DENND6A: variants seen among roughly 807,000 people sequenced by gnomAD.
The protein encoded by DENND6A is protein DENND6A.
Under a neutral mutation model 95.5 loss-of-function variants are expected in DENND6A, and 43 were observed. The ratio of observed to expected loss-of-function variants is 0.45; its 90% CI spans 0.35 to 0.58. The LOEUF is 0.58. Ranked by LOEUF, DENND6A falls within the 20% of genes least tolerant of loss-of-function variation. The pLI is 0.00. For synonymous variants in DENND6A, 257 were observed against 260.4 expected, an observed-to-expected ratio of 0.99 and a Z score of 0.13; for missense variants, 574 against 736.0, an observed-to-expected ratio of 0.78 and a Z score of 2.55.
intron 9 of DENND6A, among the ~76,000 whole-genome samples, chr3:57,649,630 GAAA>G (rs10576642): frequency 9.8e-4 from 144 of 146,392 alleles, no homozygotes; most frequent in African/African-American, 2.9e-3. Context: ...ATCAATGAGT[GAAA>G]AAAAAAAAAT....
intron 1 of DENND6A, among the ~76,000 whole-genome samples, chr3:57,683,513 C>T (rs1314473166): frequency 6.6e-6 from 1 of 152,180 alleles, no homozygotes; most frequent in African/African-American, 2.4e-5. Context: ...AAGCAAGTAT[C>T]TACTGTGCAT....
chr3:57,687,983 G>GT (rs1229281252), intron 1 of DENND6A, among the ~76,000 whole-genome samples: 3 of 147,036 alleles, frequency 2.0e-5, no homozygotes, highest in East Asian at 2.2e-4. Context: ...TTTATGAAGA[G>GT]TTTTTTGTTT....
At chr3:57,679,618 GA>G in intron 1 of DENND6A, 1 of 948,818 alleles carries the variant, frequency 1.1e-6, no homozygotes, top group South Asian at 4.9e-5. Context: ...GTCCTTGTGG[GA>G]AATCATTAGC....
chr3:57,683,364 A>G (rs2077183227), intron 1 of DENND6A, among the ~76,000 whole-genome samples: 1 of 152,178 alleles, frequency 6.6e-6, no homozygotes, highest in Admixed American at 6.5e-5. Flanking sequence ...TAATCCTCAC[A>G]ATACACTAGA....
At chr3:57,635,166 T>G (rs2070764759) in intron 12 of DENND6A, among the ~76,000 whole-genome samples, 1 of 152,196 alleles carries the variant, frequency 6.6e-6, no homozygotes, top group Non-Finnish European at 1.5e-5. Context: ...AATTCTTAAA[T>G]GACTATGCAG....
chr3:57,645,817 A>C (rs1223975088), intron 10 of DENND6A, 61 bp from the exon 11 acceptor site: 20 of 1,225,274 alleles, frequency 1.6e-5, no homozygotes, highest in Non-Finnish European at 2.4e-5. Context: ...CTAATCTATA[A>C]CTAGAAAACA....
intron 12 of DENND6A, among the ~76,000 whole-genome samples, chr3:57,640,843 T>A (rs1440473992): frequency 6.6e-6 from 1 of 152,150 alleles, no homozygotes; most frequent in African/African-American, 2.4e-5. Context: ...ATGTCCTTAA[T>A]TAATGTACCA....
intron 1 of DENND6A, among the ~76,000 whole-genome samples, chr3:57,672,977 T>TC (rs2153416473): frequency 6.6e-6 from 1 of 151,912 alleles, no homozygotes; most frequent in African/African-American, 2.4e-5. Context: ...ACACCTGTAA[T>TC]CTCAGCACTT....
intron 9 of DENND6A, among the ~76,000 whole-genome samples, chr3:57,649,425 C>T (rs2071147265): frequency 6.6e-6 from 1 of 151,684 alleles, no homozygotes; most frequent in Admixed American, 6.6e-5. Context: ...ACTAGTACAA[C>T]CACTATGGAA....
intron 1 of DENND6A, among the ~76,000 whole-genome samples, chr3:57,673,740 T>G (rs922156324): frequency 2.0e-5 from 3 of 152,144 alleles, no homozygotes; most frequent in Admixed American, 2.0e-4. Context: ...GTTTTTTTTG[T>G]GCTTTTTTTG....
chr3:57,687,115 T>A (rs988165094), intron 1 of DENND6A, among the ~76,000 whole-genome samples: 2 of 152,050 alleles, frequency 1.3e-5, no homozygotes, highest in African/African-American at 4.8e-5. Context: ...TGCCTCAGCC[T>A]CCCAAAGCGC....
Position 57,657,939 on chromosome 3 carries a change from A to G in DENND6A, c.763-204T>C, listed in dbSNP as rs17058422. Reference sequence around the variant, plus strand: ...ATCAAAAATAATGCAGATAACATGGATAAAGAATTAATCCCGGCCAGGCAT... The same window carrying G: ...ATCAAAAATAATGCAGATAACATGGGTAAAGAATTAATCCCGGCCAGGCAT... On this transcript the variant is annotated intron_variant, in intron 8 of 19. Coordinates refer to ENST00000311128, the MANE Select transcript of DENND6A (RefSeq NM_152678.3). Among the ~76,000 whole-genome samples, 1,339 of 152,282 alleles carry G rather than the reference A, an allele frequency of 8.8e-3. 10 individuals carry two copies. The highest frequency in any genetic ancestry group is 0.03 in the African/African-American group (1,264 of 41,548).
chr3:57,670,224 G>T (rs911582906), intron 3 of DENND6A, among the ~76,000 whole-genome samples: 1 of 151,974 alleles, frequency 6.6e-6, no homozygotes, highest in African/African-American at 2.4e-5. Context: ...TCACTAACTG[G>T]GGCCTGTGAA....
At chr3:57,645,572 C>T (rs1277480088) in intron 11 of DENND6A, 89 bp downstream of exon 11, 1 of 890,982 alleles carries the variant, frequency 1.1e-6, no homozygotes, top group African/African-American at 1.7e-5. Flanking sequence ...TAAGATCATT[C>T]TGCCTATAAG....
chr3:57,637,563 A>C (rs2070822650), intron 12 of DENND6A, among the ~76,000 whole-genome samples: 1 of 151,960 alleles, frequency 6.6e-6, no homozygotes, highest in African/African-American at 2.4e-5. Context: ...CTCACAGTCT[A>C]TCTCAGGTTT....
chr3:57,681,758 T>C (rs1315443356), intron 1 of DENND6A, among the ~76,000 whole-genome samples: 2 of 152,090 alleles, frequency 1.3e-5, no homozygotes, highest in South Asian at 2.1e-4. Flanking sequence ...AAAGTACATA[T>C]ACATACTATG....
rs187500774 is a variant in DENND6A at position 57,631,070 on chromosome 3, C to T, written c.1354-92G>A. 77 of 1,156,704 alleles carry T rather than the reference C, an allele frequency of 6.7e-5. No individual in the cohort carries two copies. The African/African-American group carries it at 9.9e-4, about 15-fold the overall frequency. The allele number at this position is 1,156,704 out of a possible 1,614,324, so 71.7% of individuals were successfully genotyped here. ...GGAATGGGTCTTTTAAGTTTTTAAT[C>T]ATATGCCCTTTCAATGGACAGCAAC... On this transcript the variant is annotated intron_variant, in intron 15 of 19. Transcript: ENST00000311128.
At chr3:57,631,747 G>C (rs1474943575) in intron 15 of DENND6A, among the ~76,000 whole-genome samples, 1 of 134,996 alleles carries the variant, frequency 7.4e-6, no homozygotes, top group African/African-American at 2.8e-5. Flanking sequence ...TTTTGAGACG[G>C]AGTCTCACTC....
chr3:57,637,262 T>G (rs2070815591), intron 12 of DENND6A, among the ~76,000 whole-genome samples: 1 of 152,230 alleles, frequency 6.6e-6, no homozygotes, highest in Non-Finnish European at 1.5e-5. Context: ...TTCTGATTAA[T>G]GAGTGCCCTA....
Sources: gnomAD v4.1 joint callset for allele counts (sites outside exome capture counted in the v4.1 genomes callset) on GRCh38, gnomAD v4.1.1 for gene constraint, MANE v1.5 for transcripts, NCBI Gene and HGNC (gene_info 2026-07-23, HGNC 2026-07-21) for gene names.